METTL4: variants seen among roughly 807,000 people sequenced by gnomAD.
METTL4 encodes methyltransferase 4, N6-adenosine.
In METTL4, 40 loss-of-function variants were observed where a neutral mutation model predicts 54.0. That is an observed-to-expected ratio of 0.74 (90% confidence interval 0.58 to 0.96). The LOEUF (loss-of-function observed/expected upper bound fraction) is 0.96, where lower values mean the gene tolerates loss of function less well. Among genes scored for constraint, METTL4 ranks in the 50% least tolerant of loss-of-function variants. The pLI is 0.00. For missense variants in METTL4, 525 were observed against 549.0 expected (o/e 0.96, Z 0.44); for synonymous variants, 169 against 183.8 (o/e 0.92, Z 0.65).
chr18:2,545,329 T>A (rs2072055066), intron 6 of METTL4, among the ~76,000 whole-genome samples: 1 of 152,126 alleles, frequency 6.6e-6, no homozygotes, highest in Admixed American at 6.5e-5. Context: ...AATAAATGAA[T>A]TACTAATGAA....
chr18:2,554,253 G>C (rs1376112991), intron 4 of METTL4: 9 of 154,164 alleles, frequency 5.8e-5, no homozygotes, highest in Non-Finnish European at 1.1e-4. Context: ...AATGTTTCAA[G>C]AAATTTTAGA....
At position 2,539,084 on chromosome 18, in the gene METTL4, T is replaced by C. The variant is rs1159601144; in HGVS notation, c.1335A>G (p.Leu445=). ...GEYLELFARN[L]QPGWTSWGNE... ...TGCCCCAACTAGTCCAACCTGGCTG[T>C]AAATTTCGAGCAAACAACTCCAAAT... The change falls in exon 9 of 9, where the codon TTA becomes TTG. Residue 445 remains leucine (L), a synonymous_variant. Coordinates refer to ENST00000574538, the MANE Select transcript of METTL4 (RefSeq NM_022840.5). 1 of 1,613,828 alleles carries C rather than the reference T, an allele frequency of 6.2e-7. No individual in the cohort carries two copies. Among genetic ancestry groups the C allele is most frequent in the African/African-American group, 1.3e-5 (1 of 74,924 alleles).
chr18:2,558,095 A>G (rs1394664452), intron 3 of METTL4, among the ~76,000 whole-genome samples: 1 of 152,340 alleles, frequency 6.6e-6, no homozygotes, highest in Non-Finnish European at 1.5e-5. Flanking sequence ...CACTGCCTCT[A>G]ACACTGCATC....
At chr18:2,568,165 A>T (rs193173346) in intron 1 of METTL4, among the ~76,000 whole-genome samples, 1 of 152,328 alleles carries the variant, frequency 6.6e-6, no homozygotes, top group East Asian at 1.9e-4. Flanking sequence ...TCCATGAGTG[A>T]GATTATGATG....
intron 3 of METTL4, among the ~76,000 whole-genome samples, chr18:2,559,384 T>C (rs914033813): frequency 6.6e-6 from 1 of 151,708 alleles, no homozygotes; most frequent in Admixed American, 6.6e-5. Context: ...TTAACTTACA[T>C]GAGGTATAGG....
chr18:2,566,535 C>A (rs1261046201), intron 2 of METTL4, among the ~76,000 whole-genome samples: 1 of 151,820 alleles, frequency 6.6e-6, no homozygotes, highest in East Asian at 1.9e-4. Context: ...TTTTGTTTGG[C>A]TTTTTGTTTG....
chr18:2,567,031 A>C lies in METTL4; in HGVS notation c.186T>G (p.Phe62Leu), dbSNP rs377620759. The C allele has an allele frequency of 6.1e-5, 99 of 1,614,168 alleles. 1 individual carries two copies. The East Asian group carries it at 8.7e-4, about 14-fold the overall frequency. The change falls in exon 2 of 9, where the codon TTT (phenylalanine) becomes TTG (leucine). Residue 62 changes from phenylalanine to leucine, a missense_variant. Coordinates refer to ENST00000574538, the MANE Select transcript of METTL4 (RefSeq NM_022840.5). ...SVSSSGVCAA[F>L]IASDSSTKPE... ...GCTTAGTGGAAGAGTCAGAAGCAAT[A>C]AATGCAGCACAGACTCCAGAGGAGG...
At chr18:2,569,847 C>A (rs2072476236) in intron 1 of METTL4, among the ~76,000 whole-genome samples, 1 of 152,180 alleles carries the variant, frequency 6.6e-6, no homozygotes, top group Admixed American at 6.5e-5. Flanking sequence ...TTTGCTTTGA[C>A]CAGAAGCCAT....
rs1196051621 is a variant in METTL4 at position 2,554,934 on chromosome 18, G to A, written c.564C>T (p.Pro188=). 1.2e-6 allele frequency: 2 copies of A among 1,613,940 alleles called. No homozygotes were observed. The highest frequency in any genetic ancestry group is 1.7e-6 in the Non-Finnish European group (2 of 1,179,964). ...LFEKQDKGSK[P]ITLPLDACSL... The stretch of plus-strand genomic sequence containing the variant: ...TGCAGGCGTCAAGTGGTAAAGTAAT[G>A]GGCTTACTACCCTTGTCCTGTTTTT... Residue 188 remains proline, a synonymous_variant, in exon 4 of 9, where the codon CCC becomes CCT. Coordinates refer to ENST00000574538, the MANE Select transcript of METTL4 (RefSeq NM_022840.5).
chr18:2,568,175 G>A (rs2072449280), intron 1 of METTL4, among the ~76,000 whole-genome samples: 1 of 152,210 alleles, frequency 6.6e-6, no homozygotes, highest in Non-Finnish European at 1.5e-5. Context: ...AGATTATGAT[G>A]TACATTGGTT....
Position 2,544,202 on chromosome 18 carries a change from C to T in METTL4, c.1266G>A (p.Pro422=), listed in dbSNP as rs753616881. 5.0e-6 allele frequency: 8 copies of T among 1,599,994 alleles called. No homozygotes were observed. The South Asian group carries it at 5.7e-5, about 11-fold the overall frequency. The change falls in exon 8 of 9, where the codon CCG becomes CCA. Residue 422 remains proline (P), a synonymous_variant. Coordinates refer to ENST00000574538, the MANE Select transcript of METTL4 (RefSeq NM_022840.5). ...VPCTLHSHKP[P]LAEVLKDYIK... Reference sequence around the variant, plus strand: ...TATTTTATAAAAACATACCAGCAAGCGGTGGCTTATGTGAGTGAAGAGTAC... The same window carrying T: ...TATTTTATAAAAACATACCAGCAAGTGGTGGCTTATGTGAGTGAAGAGTAC...
intron 4 of METTL4, chr18:2,553,427 T>A (rs1413167216): frequency 1.3e-5 from 2 of 152,244 alleles, no homozygotes; most frequent in African/African-American, 4.8e-5. Flanking sequence ...ATGCCTGCCA[T>A]GCCCTATCAG....
At chr18:2,566,254 G>C (rs538334730) in intron 2 of METTL4, among the ~76,000 whole-genome samples, 66 of 152,004 alleles carry the variant, frequency 4.3e-4, no homozygotes, top group Non-Finnish European at 8.8e-4. Flanking sequence ...CTAAAAGATT[G>C]CACCAGTGTG....
intron 5 of METTL4, among the ~76,000 whole-genome samples, chr18:2,550,872 G>GCA (rs1223538382): frequency 0.012 from 1,828 of 152,034 alleles, 24 homozygotes; most frequent in South Asian, 0.044. Flanking sequence ...AATCAATAAG[G>GCA]ATATTATATC....
intron 3 of METTL4, chr18:2,555,316 T>C: frequency 5.4e-6 from 2 of 367,532 alleles, no homozygotes; most frequent in Non-Finnish European, 9.9e-6. Context: ...TTTGATAATC[T>C]GAATGTTTCT....
chr18:2,570,185 A>G (rs1371752156), intron 1 of METTL4, among the ~76,000 whole-genome samples: 2 of 152,174 alleles, frequency 1.3e-5, no homozygotes, highest in Non-Finnish European at 2.9e-5. Context: ...GTCTAGCTTG[A>G]AATGTGACAA....
At chr18:2,546,951 A>G (rs2072078216) in intron 6 of METTL4, among the ~76,000 whole-genome samples, 2 of 152,262 alleles carry the variant, frequency 1.3e-5, no homozygotes, top group Admixed American at 6.5e-5. Flanking sequence ...CCCCCACAAA[A>G]TAAGAAAAAG....
intron 3 of METTL4, among the ~76,000 whole-genome samples, chr18:2,556,017 T>C (rs2072234027): frequency 6.6e-6 from 1 of 151,614 alleles, no homozygotes; most frequent in South Asian, 2.1e-4. Context: ...GAGCTTGGAG[T>C]CTAGAAAGGC....
chr18:2,551,937 G>T (rs1567965957), intron 5 of METTL4, among the ~76,000 whole-genome samples: 1 of 152,154 alleles, frequency 6.6e-6, no homozygotes, highest in Non-Finnish European at 1.5e-5. Context: ...GCTCACGTCT[G>T]TAATCCCAGC....
Sources: allele counts gnomAD v4.1 joint callset (sites outside exome capture counted in the v4.1 genomes callset), GRCh38; gene constraint gnomAD v4.1.1; transcripts MANE v1.5; gene names NCBI Gene and HGNC (gene_info 2026-07-23, HGNC 2026-07-21).